RASA1: variants seen among roughly 807,000 people sequenced by gnomAD.
RASA1 encodes RAS p21 protein activator 1.
Under a neutral mutation model 132.2 loss-of-function variants are expected in RASA1, and 25 were observed. The ratio of observed to expected loss-of-function variants is 0.19; its 90% CI spans 0.14 to 0.26. The LOEUF is 0.26. Among genes scored for constraint, RASA1 ranks in the 10% least tolerant of loss-of-function variants. The pLI is 1.00. For synonymous variants in RASA1, 477 were observed against 449.9 expected, an observed-to-expected ratio of 1.06 and a Z score of -0.76; for missense variants, 964 against 1,299.2, an observed-to-expected ratio of 0.74 and a Z score of 3.97.
intron 9 of RASA1, 132 bp from the exon 10 acceptor site, chr5:87,362,419 A>C (rs1206931304): frequency 7.2e-6 from 6 of 829,852 alleles, no homozygotes; most frequent in Non-Finnish European, 1.1e-5. Context: ...AAAGCAAAAG[A>C]TCATTTATGT....
At chr5:87,326,198 C>T (rs1354405731) in intron 1 of RASA1, among the ~76,000 whole-genome samples, 1 of 152,148 alleles carries the variant, frequency 6.6e-6, no homozygotes, top group Non-Finnish European at 1.5e-5. Flanking sequence ...TCATGAACTC[C>T]TGGGTTCCAG....
chr5:87,271,826 A>G (rs1487020033), intron 1 of RASA1, among the ~76,000 whole-genome samples: 1 of 151,900 alleles, frequency 6.6e-6, no homozygotes, highest in Non-Finnish European at 1.5e-5. Context: ...AATTGAGGGG[A>G]AAATACAGGG....
chr5:87,345,204 G>C (rs1333330999), intron 6 of RASA1, among the ~76,000 whole-genome samples: 1 of 151,996 alleles, frequency 6.6e-6, no homozygotes, highest in Admixed American at 6.6e-5. Context: ...CAAACCATGT[G>C]GTTGAAATAT....
At chr5:87,287,192 C>CAT (rs1561256448) in intron 1 of RASA1, among the ~76,000 whole-genome samples, 1 of 137,616 alleles carries the variant, frequency 7.3e-6, no homozygotes, top group African/African-American at 2.7e-5. Context: ...ATATACACAC[C>CAT]GTATATACAC....
At chr5:87,365,934 C>T (rs967404244) in intron 11 of RASA1, among the ~76,000 whole-genome samples, 1 of 151,876 alleles carries the variant, frequency 6.6e-6, no homozygotes, top group Non-Finnish European at 1.5e-5. Context: ...GAAATGGAGG[C>T]TGTAATAAAA....
intron 8 of RASA1, among the ~76,000 whole-genome samples, chr5:87,349,990 A>G (rs1274046294): frequency 6.6e-6 from 1 of 151,898 alleles, no homozygotes; most frequent in Non-Finnish European, 1.5e-5. Flanking sequence ...GTTTTCCTAT[A>G]ACTAATAACT....
intron 15 of RASA1, among the ~76,000 whole-genome samples, chr5:87,375,506 C>T (rs1006372734): frequency 3.9e-5 from 6 of 152,140 alleles, no homozygotes; most frequent in African/African-American, 1.2e-4. Flanking sequence ...GGTGATCTGC[C>T]GGCCTCGGCC....
intron 1 of RASA1, chr5:87,330,975 A>G (rs1175729565): frequency 2.8e-6 from 4 of 1,439,198 alleles, no homozygotes; most frequent in East Asian, 2.5e-5. Flanking sequence ...TCCTCAGTAT[A>G]AGATCGAGGT....
chr5:87,365,106 C>G (rs927264773), intron 11 of RASA1, among the ~76,000 whole-genome samples: 5 of 152,078 alleles, frequency 3.3e-5, no homozygotes, highest in African/African-American at 7.2e-5. Context: ...ATAGGTGGCT[C>G]TTGATTCTTG....
intron 1 of RASA1, among the ~76,000 whole-genome samples, chr5:87,269,821 C>G (rs1396179332): frequency 6.6e-6 from 1 of 152,188 alleles, no homozygotes; most frequent in Non-Finnish European, 1.5e-5. Flanking sequence ...ACCTCCTCCT[C>G]ACTTGTCTTA....
chr5:87,336,720 T>C (rs1758000584), intron 4 of RASA1, among the ~76,000 whole-genome samples: 1 of 152,132 alleles, frequency 6.6e-6, no homozygotes. Context: ...CCAGTTCATG[T>C]GCACCCTCCT....
intron 1 of RASA1, among the ~76,000 whole-genome samples, chr5:87,286,866 A>G (rs1754591273): frequency 6.6e-6 from 1 of 150,492 alleles, no homozygotes; most frequent in Non-Finnish European, 1.5e-5. Flanking sequence ...ATATACATAT[A>G]CACCATATAT....
At chr5:87,338,519 ATATATATATATATAAAATT>A (rs1758155916) in intron 5 of RASA1, among the ~76,000 whole-genome samples, 1 of 99,786 alleles carries the variant, frequency 1.0e-5, no homozygotes, top group Admixed American at 1.0e-4. Flanking sequence ...ATATATATAT[ATATATATATATATAAAATT>A]TTTTTTTTTT....
At chr5:87,300,202 T>C (rs1755299621) in intron 1 of RASA1, among the ~76,000 whole-genome samples, 1 of 151,972 alleles carries the variant, frequency 6.6e-6, no homozygotes, top group South Asian at 2.1e-4. Flanking sequence ...AGACCCTGTC[T>C]CTACAAAAAA....
chr5:87,376,618 A>G lies in RASA1; in HGVS notation c.2184+53A>G, dbSNP rs919546662. ...TTGTTGGAATTAACAGAAACATTTA[A>G]CATTTAATAAAAGATCCATTAAGGT... On this transcript the variant is annotated intron_variant, in intron 16 of 24. Transcript: ENST00000274376. 5.1e-6 allele frequency: 8 copies of G among 1,565,646 alleles called. No homozygotes were observed. The Admixed American group carries it at 1.3e-4, about 26-fold the overall frequency.
At chr5:87,291,494 G>A (rs997490891) in intron 1 of RASA1, among the ~76,000 whole-genome samples, 2 of 152,174 alleles carry the variant, frequency 1.3e-5, no homozygotes, top group African/African-American at 4.8e-5. Context: ...TTGTGCCACG[G>A]CACTCCTACC....
At chr5:87,348,306 TTATATC>T in intron 7 of RASA1, among the ~76,000 whole-genome samples, 1 of 152,082 alleles carries the variant, frequency 6.6e-6, no homozygotes, top group Non-Finnish European at 1.5e-5. Context: ...ACCCCTCAAA[TTATATC>T]TAATAATCTA....
In RASA1 at chr5:87,268,274, G is replaced by A. The variant is rs1018008798; in HGVS notation, c.-178G>A. The A allele has an allele frequency of 1.2e-5, 11 of 928,896 alleles. No homozygotes were observed. The highest frequency in any genetic ancestry group is 3.3e-5 in the African/African-American group (2 of 59,908). 57.5% of individuals were successfully genotyped at this position (928,896 alleles called of 1,614,324 possible). ...TTCCCGTAACCCAGGCAGCTGGGGA[G>A]CCTGGGCTGTGGCCCTAGGAGGGGG... On this transcript the variant is annotated 5_prime_UTR_variant, in exon 1 of 25. Transcript: ENST00000274376.
At chr5:87,316,341 T>C (rs1005590292) in intron 1 of RASA1, among the ~76,000 whole-genome samples, 2 of 152,152 alleles carry the variant, frequency 1.3e-5, no homozygotes, top group South Asian at 2.1e-4. Flanking sequence ...ATGGGAAAAA[T>C]AGCTGCGGAA....
Sources: gnomAD v4.1 joint callset for allele counts (sites outside exome capture counted in the v4.1 genomes callset) on GRCh38, gnomAD v4.1.1 for gene constraint, MANE v1.5 for transcripts, NCBI Gene and HGNC (gene_info 2026-07-23, HGNC 2026-07-21) for gene names.